Variants in EXOC4 observed in about 807,000 individuals in gnomAD.
EXOC4 encodes the protein SEC8-like 1.
EXOC4 carries 71 observed loss-of-function variants against 107.2 expected under a neutral mutation model. That is an observed-to-expected ratio of 0.66 (90% confidence interval 0.55 to 0.81). The LOEUF (loss-of-function observed/expected upper bound fraction) is 0.81, where lower values mean the gene tolerates loss of function less well. EXOC4 is among the 30% of genes least tolerant of loss of function. EXOC4 has a pLI of 0.00. For missense variants in EXOC4, 1,108 were observed against 1,189.6 expected, an observed-to-expected ratio of 0.93 and a Z score of 1.01; for synonymous variants, 456 against 441.2, an observed-to-expected ratio of 1.03 and a Z score of -0.42.
chr7:134,008,811 T>A (rs1794704130), intron 17 of EXOC4, among the ~76,000 whole-genome samples: 1 of 144,252 alleles, frequency 6.9e-6, no homozygotes, highest in Non-Finnish European at 1.5e-5. Context: ...ATATTTTTTT[T>A]ATAGAGACAG....
rs992260254 is a variant in EXOC4 at position 133,640,673 on chromosome 7, G to A, written c.1514+10532G>A. 4.6e-5 allele frequency among the ~76,000 whole-genome samples: 7 copies of A among 152,164 alleles called. No homozygotes were observed. In the East Asian group the frequency reaches 1.3e-3, roughly 29 times the overall value. Reference sequence around the variant, plus strand: ...ATGTAGACTGTTTCCTACAGCTTTGGTAGTAAAAGCTAGCGGAGCAAAAAT... The same window carrying A: ...ATGTAGACTGTTTCCTACAGCTTTGATAGTAAAAGCTAGCGGAGCAAAAAT... On this transcript the variant is annotated intron_variant, in intron 10 of 17. Transcript: ENST00000253861.
At chr7:133,836,414 A>G (rs1245323175) in intron 11 of EXOC4, among the ~76,000 whole-genome samples, 1 of 152,144 alleles carries the variant, frequency 6.6e-6, no homozygotes, top group South Asian at 2.1e-4. Flanking sequence ...CTTCTGGCCA[A>G]TTCTATTTTT....
At chr7:133,507,072 T>G (rs1251427591) in intron 9 of EXOC4, among the ~76,000 whole-genome samples, 1 of 152,152 alleles carries the variant, frequency 6.6e-6, no homozygotes, top group African/African-American at 2.4e-5. Flanking sequence ...GAGTAGTATT[T>G]TTTGATACTA....
chr7:133,475,826 A>C (rs1798997704), intron 8 of EXOC4, among the ~76,000 whole-genome samples: 1 of 152,212 alleles, frequency 6.6e-6, no homozygotes, highest in Non-Finnish European at 1.5e-5. Context: ...AGAGCCAAGA[A>C]ACAACCTTTG....
intron 11 of EXOC4, among the ~76,000 whole-genome samples, chr7:133,836,046 A>G (rs1319536094): frequency 1.3e-5 from 2 of 152,098 alleles, no homozygotes; most frequent in Non-Finnish European, 2.9e-5. Flanking sequence ...CTGTTTCCTT[A>G]TTTCTTTCAG....
chr7:133,908,910 C>T lies in EXOC4; in HGVS notation c.1872-8673C>T, dbSNP rs1455845209. ...CATGCAGGTTTATTACATCAGTATA[C>T]ACGGGCCGTGGTGGTGTGCTGCACC... On this transcript the variant is annotated intron_variant, in intron 12 of 17. Transcript: ENST00000253861. 2.0e-5 allele frequency among the ~76,000 whole-genome samples: 3 copies of T among 152,050 alleles called. No individual in the cohort carries two copies. In the East Asian group the frequency reaches 5.8e-4, roughly 29 times the overall value.
chr7:134,084,976 T>C, the EXOC4 span, among the ~76,000 whole-genome samples: 2 of 151,986 alleles, frequency 1.3e-5, no homozygotes, highest in African/African-American at 4.8e-5. Context: ...AACAGCTGGG[T>C]TGGTTACAGC....
At chr7:133,550,264 T>A (rs1314204346) in intron 9 of EXOC4, among the ~76,000 whole-genome samples, 1 of 152,152 alleles carries the variant, frequency 6.6e-6, no homozygotes, top group Non-Finnish European at 1.5e-5. Flanking sequence ...TCAAGCACAA[T>A]GCCAAGTACA....
At chr7:133,484,967 C>G (rs1799239436) in intron 9 of EXOC4, among the ~76,000 whole-genome samples, 1 of 151,318 alleles carries the variant, frequency 6.6e-6, no homozygotes, top group Admixed American at 6.6e-5. Flanking sequence ...GTAATCCCAG[C>G]TACTTGGGAG....
chr7:133,626,188 C>G (rs1407870947), intron 9 of EXOC4, among the ~76,000 whole-genome samples: 1 of 151,274 alleles, frequency 6.6e-6, no homozygotes, highest in Non-Finnish European at 1.5e-5. Context: ...GCCTAGGGAA[C>G]AGAGCAAGAC....
At chr7:134,027,023 TGGGTGTTTTA>T (rs907021142) in intron 17 of EXOC4, among the ~76,000 whole-genome samples, 9 of 152,026 alleles carry the variant, frequency 5.9e-5, no homozygotes, top group Admixed American at 2.0e-4. Context: ...ATATGACAAA[TGGGTGTTTTA>T]GTGATTAAGG....
chr7:133,260,610 G>A (rs1486683881), intron 1 of EXOC4, among the ~76,000 whole-genome samples: 4 of 152,064 alleles, frequency 2.6e-5, no homozygotes, highest in Admixed American at 2.6e-4. Context: ...AGTAGTTTTG[G>A]GTCTTCTAGG....
At chr7:133,703,890 C>T (rs1794715133) in intron 10 of EXOC4, among the ~76,000 whole-genome samples, 1 of 152,206 alleles carries the variant, frequency 6.6e-6, no homozygotes, top group African/African-American at 2.4e-5. Flanking sequence ...AATTGCTCTG[C>T]TCCTTCATGG....
At chr7:133,449,426 C>G (rs1052057427) in intron 7 of EXOC4, among the ~76,000 whole-genome samples, 2 of 152,218 alleles carry the variant, frequency 1.3e-5, no homozygotes, top group Non-Finnish European at 1.5e-5. Context: ...TAACACACCT[C>G]TCAAGAACAC....
chr7:133,949,421 A>G (rs1288623665), intron 14 of EXOC4, among the ~76,000 whole-genome samples: 3 of 152,208 alleles, frequency 2.0e-5, no homozygotes, highest in Non-Finnish European at 4.4e-5. Context: ...TATGAAAGGA[A>G]GAGTAATGAG....
chr7:133,324,806 G>A (rs540202019), intron 5 of EXOC4, among the ~76,000 whole-genome samples: 1 of 152,150 alleles, frequency 6.6e-6, no homozygotes, highest in Non-Finnish European at 1.5e-5. Context: ...TGTTGACAGT[G>A]GGGTGTTAAA....
chr7:133,882,381 A>G (rs1798984258), intron 11 of EXOC4, among the ~76,000 whole-genome samples: 2 of 152,172 alleles, frequency 1.3e-5, no homozygotes, highest in Non-Finnish European at 2.9e-5. Flanking sequence ...TAGGTGATGA[A>G]TTGATCTTAA....
chr7:133,904,028 C>A (rs963354260), intron 12 of EXOC4, among the ~76,000 whole-genome samples: 2 of 151,852 alleles, frequency 1.3e-5, no homozygotes, highest in African/African-American at 4.8e-5. Flanking sequence ...TGGGTGTGGC[C>A]TTAAAAAAGA....
intron 7 of EXOC4, among the ~76,000 whole-genome samples, chr7:133,431,307 A>G (rs1032798392): frequency 6.6e-6 from 1 of 152,192 alleles, no homozygotes; most frequent in Non-Finnish European, 1.5e-5. Context: ...TTACATGTTT[A>G]CTGCTGAGGC....
Sources: gnomAD v4.1 joint callset for allele counts (sites outside exome capture counted in the v4.1 genomes callset) on GRCh38, gnomAD v4.1.1 for gene constraint, MANE v1.5 for transcripts, NCBI Gene and HGNC (gene_info 2026-07-23, HGNC 2026-07-21) for gene names.